CNKSR3: variants seen among roughly 807,000 people sequenced by gnomAD.
CNKSR3 encodes connector enhancer of kinase suppressor of ras 3.
In CNKSR3, 36 loss-of-function variants were observed where a neutral mutation model predicts 67.7. The observed-to-expected ratio is 0.53, with a 90% CI of 0.41 to 0.70. The LOEUF (loss-of-function observed/expected upper bound fraction) is 0.70, where lower values mean the gene tolerates loss of function less well. Among genes scored for constraint, CNKSR3 ranks in the 30% least tolerant of loss-of-function variants. The pLI, the probability that CNKSR3 is intolerant of heterozygous loss-of-function variation, is 0.00. For missense variants in CNKSR3, 630 were observed against 695.2 expected (o/e 0.91, Z 1.05); for synonymous variants, 281 against 271.4 (o/e 1.04, Z -0.35).
At position 154,483,604 on chromosome 6, in the gene CNKSR3, T is replaced by C. The variant is rs890965254; in HGVS notation, c.52+26459A>G. Among the ~76,000 whole-genome samples the C allele has an allele frequency of 7.9e-5, 12 of 152,204 alleles. No individual in the cohort carries two copies. In the South Asian group the frequency reaches 1.9e-3, roughly 24 times the overall value. ...ACACTTTACTGCTTTTTGTGGAGCATGGCCAACCCCTAGGCAGGACACAGA... is the reference window on the plus strand; with the variant it reads ...ACACTTTACTGCTTTTTGTGGAGCACGGCCAACCCCTAGGCAGGACACAGA... On this transcript the variant is annotated intron_variant, in intron 1 of 12. Transcript: ENST00000607772.
At position 154,471,317 on chromosome 6, in the gene CNKSR3, C is replaced by A. The variant is rs550540429; in HGVS notation, c.53-21059G>T. The stretch of plus-strand genomic sequence containing the variant: ...CTTTGGGAGGCTGAGGCAGGCAGAT[C>A]GCTTGAGGTCAAGAGTTCGAGACCA... On this transcript the variant is annotated intron_variant, in intron 1 of 12. Transcript: ENST00000607772. Among the ~76,000 whole-genome samples the A allele has an allele frequency of 1.4e-4, 21 of 152,216 alleles. 1 individual carries two copies. The South Asian group carries it at 4.4e-3, about 32-fold the overall frequency.
rs147872266 is a variant in CNKSR3 at position 154,492,809 on chromosome 6, C to A, written c.52+17254G>T. Among the ~76,000 whole-genome samples, 577 of 151,986 alleles carry A rather than the reference C, an allele frequency of 3.8e-3. 6 individuals are homozygous for A. The highest frequency in any genetic ancestry group is 0.013 in the African/African-American group (542 of 41,452). The stretch of plus-strand genomic sequence containing the variant: ...AGATCTTTCCTTAACCTGCTTCTCC[C>A]ACCTCTCAGGAGATGACAACTCTAT... On this transcript the variant is annotated intron_variant, in intron 1 of 12. Coordinates refer to ENST00000607772, the MANE Select transcript of CNKSR3 (RefSeq NM_173515.4).
At chr6:154,453,425 T>A (rs1307973266) in intron 1 of CNKSR3, among the ~76,000 whole-genome samples, 1 of 152,182 alleles carries the variant, frequency 6.6e-6, no homozygotes, top group Non-Finnish European at 1.5e-5. Flanking sequence ...AGCATTTCTC[T>A]GAGAAACTAA....
chr6:154,476,937 T>C (rs568749241), intron 1 of CNKSR3, among the ~76,000 whole-genome samples: 9 of 152,304 alleles, frequency 5.9e-5, no homozygotes, highest in African/African-American at 2.2e-4. Context: ...AAAATCCCTA[T>C]ATATGAAACA....
At chr6:154,481,539 G>A (rs1786567581) in intron 1 of CNKSR3, among the ~76,000 whole-genome samples, 1 of 152,238 alleles carries the variant, frequency 6.6e-6, no homozygotes, top group South Asian at 2.1e-4. Flanking sequence ...GGTAGCAACT[G>A]GCAGTGTGAA....
At chr6:154,486,178 G>A (rs1462956003) in intron 1 of CNKSR3, among the ~76,000 whole-genome samples, 2 of 152,132 alleles carry the variant, frequency 1.3e-5, no homozygotes, top group Non-Finnish European at 2.9e-5. Flanking sequence ...CAGCCCTCAG[G>A]TCTCTTTATG....
At chr6:154,463,493 C>T (rs1024777499) in intron 1 of CNKSR3, among the ~76,000 whole-genome samples, 3 of 152,172 alleles carry the variant, frequency 2.0e-5, no homozygotes, top group African/African-American at 7.2e-5. Flanking sequence ...GCCTGCAGTA[C>T]GGCAGGGGAA....
chr6:154,484,735 A>G (rs940410718), intron 1 of CNKSR3, among the ~76,000 whole-genome samples: 3 of 151,276 alleles, frequency 2.0e-5, no homozygotes, highest in Admixed American at 1.3e-4. Context: ...TGTCTCTATC[A>G]TCTCAAACCT....
chr6:154,485,617 C>T (rs1479066054), intron 1 of CNKSR3, among the ~76,000 whole-genome samples: 1 of 152,180 alleles, frequency 6.6e-6, no homozygotes, highest in African/African-American at 2.4e-5. Flanking sequence ...ATACGAACAG[C>T]GTGATTCACG....
chr6:154,388,356 A>G lies in CNKSR3; in HGVS notation c.*17998T>C, dbSNP rs1373897578. The G allele has an allele frequency of 4.6e-5, 7 of 152,202 alleles. No individual in the cohort carries two copies. The highest frequency in any genetic ancestry group is 7.3e-5 in the Non-Finnish European group (5 of 68,044). 9.4% of individuals were successfully genotyped at this position (152,202 alleles called of 1,614,324 possible). ...TAATTGCAGAATTTCCTTCTTTTTAAAAGCTAAATAGTATTCCATTGTATG... is the reference window on the plus strand; with the variant it reads ...TAATTGCAGAATTTCCTTCTTTTTAGAAGCTAAATAGTATTCCATTGTATG... On this transcript the variant is annotated 3_prime_UTR_variant, in exon 13 of 13. Coordinates refer to ENST00000607772, the MANE Select transcript of CNKSR3 (RefSeq NM_173515.4).
intron 4 of CNKSR3, among the ~76,000 whole-genome samples, chr6:154,440,476 G>A (rs1384830768): frequency 6.6e-6 from 1 of 152,176 alleles, no homozygotes; most frequent in Non-Finnish European, 1.5e-5. Flanking sequence ...AGGACAGAAG[G>A]TAGTCCTAAG....
chr6:154,478,161 A>T (rs1786492752), intron 1 of CNKSR3, among the ~76,000 whole-genome samples: 2 of 152,182 alleles, frequency 1.3e-5, no homozygotes, highest in African/African-American at 4.8e-5. Flanking sequence ...AAGGCCTCCC[A>T]AAGCTGGCCC....
chr6:154,406,164 A>G lies in CNKSR3; in HGVS notation c.*190T>C. ...CTTTTGTCTCCACAAGCCAGCACCTAAGATCCTCTGAATTTGTTCCCATCC... is the reference window on the plus strand; with the variant it reads ...CTTTTGTCTCCACAAGCCAGCACCTGAGATCCTCTGAATTTGTTCCCATCC... On this transcript the variant is annotated 3_prime_UTR_variant, in exon 13 of 13. Transcript: ENST00000607772. 1 of 603,800 alleles carries G rather than the reference A, an allele frequency of 1.7e-6. No homozygotes were observed. The highest frequency in any genetic ancestry group is 2.1e-5 in the South Asian group (1 of 48,090). The allele number at this position is 603,800 out of a possible 1,614,324, so 37.4% of individuals were successfully genotyped here.
intron 4 of CNKSR3, among the ~76,000 whole-genome samples, chr6:154,435,141 G>A (rs1469810068): frequency 6.6e-6 from 1 of 151,714 alleles, no homozygotes; most frequent in South Asian, 2.1e-4. Context: ...GACCACAGGT[G>A]CACACCACCA....
At chr6:154,495,762 T>C (rs1309837322) in intron 1 of CNKSR3, among the ~76,000 whole-genome samples, 4 of 152,060 alleles carry the variant, frequency 2.6e-5, no homozygotes, top group Admixed American at 1.3e-4. Flanking sequence ...CTCCCACGTG[T>C]ATTCAGACCC....
At chr6:154,440,610 A>T (rs1233027616) in intron 4 of CNKSR3, among the ~76,000 whole-genome samples, 5 of 152,240 alleles carry the variant, frequency 3.3e-5, no homozygotes, top group Non-Finnish European at 7.3e-5. Context: ...GCAATGAGCC[A>T]TGAGTGAAAT....
rs115083229 is a variant in CNKSR3 at position 154,458,808 on chromosome 6, T to C, written c.53-8550A>G. Among the ~76,000 whole-genome samples the C allele has an allele frequency of 2.7e-3, 415 of 152,294 alleles. 5 individuals carry two copies. Among genetic ancestry groups the C allele is most frequent in the African/African-American group, 9.8e-3 (406 of 41,554 alleles). The stretch of plus-strand genomic sequence containing the variant: ...CGCACACTACTAATTGCAGCTCTGA[T>C]TTTATCAGTCATCCTTCGAGGTTTG... On this transcript the variant is annotated intron_variant, in intron 1 of 12. Transcript: ENST00000607772.
Position 154,414,387 on chromosome 6 carries a change from T to TCA in CNKSR3, c.981_982insTG (p.Ser328Ter). Reference sequence around the variant, plus strand: ...TTCTTCAGTGAGGTATCCATAGTGCTTTCAGGGGACTGGGTTGTCGCGGGT... The same window carrying TCA: ...TTCTTCAGTGAGGTATCCATAGTGCTCATTCAGGGGACTGGGTTGTCGCGGGT... On this transcript the variant is annotated frameshift_variant, in exon 10 of 13. Transcript: ENST00000607772. LOFTEE classifies it high-confidence loss of function. 6.2e-7 allele frequency: 1 copy of TCA among 1,608,408 alleles called. No homozygotes were observed. The highest frequency in any genetic ancestry group is 8.5e-7 in the Non-Finnish European group (1 of 1,178,308).
At chr6:154,434,459 T>A (rs939353301) in intron 4 of CNKSR3, among the ~76,000 whole-genome samples, 9 of 152,242 alleles carry the variant, frequency 5.9e-5, no homozygotes, top group African/African-American at 1.9e-4. Context: ...GTGTTGGAAT[T>A]GTCAGGTGAA....
Sources: allele counts gnomAD v4.1 joint callset (sites outside exome capture counted in the v4.1 genomes callset), GRCh38; gene constraint gnomAD v4.1.1; transcripts MANE v1.5; gene names NCBI Gene and HGNC (gene_info 2026-07-23, HGNC 2026-07-21).